The following IL1RAPL1 variants were observed in gnomAD, a reference collection of about 807,000 sequenced individuals.
The protein encoded by IL1RAPL1 is interleukin 1 receptor accessory protein like 1, also known as interleukin-1 receptor accessory protein-like 1.
IL1RAPL1 carries 3 observed loss-of-function variants against 48.4 expected under a neutral mutation model. The observed-to-expected ratio is 0.06, with a 90% CI of 0.03 to 0.16. The LOEUF (loss-of-function observed/expected upper bound fraction) is 0.16, where lower values mean the gene tolerates loss of function less well. Among genes scored for constraint, IL1RAPL1 ranks in the 10% least tolerant of loss-of-function variants. The pLI is 1.00. For missense variants in IL1RAPL1, 349 were observed against 530.6 expected (o/e 0.66, Z 3.36); for synonymous variants, 185 against 187.7 (o/e 0.99, Z 0.12).
At chrX:29,817,153 G>A (rs1930515391) in intron 6 of IL1RAPL1, among the ~76,000 whole-genome samples, 1 of 111,239 alleles carries the variant, frequency 9.0e-6, no homozygotes, top group Non-Finnish European at 1.9e-5. Context: ...GCATAATAAC[G>A]CATTGTCTAT....
intron 5 of IL1RAPL1, among the ~76,000 whole-genome samples, chrX:29,492,467 G>T (rs1935169007): frequency 8.9e-6 from 1 of 111,747 alleles, no homozygotes; most frequent in African/African-American, 3.3e-5. Context: ...CTCTAGGAAA[G>T]AATCTATTTC....
intron 3 of IL1RAPL1, among the ~76,000 whole-genome samples, chrX:29,327,587 T>C (rs1932851245): frequency 9.8e-6 from 1 of 101,841 alleles, no homozygotes; most frequent in Admixed American, 1.2e-4. Flanking sequence ...CCATACTAGA[T>C]ACTTAATATG....
chrX:29,221,608 TATACACACAC>T (rs754025361), intron 2 of IL1RAPL1, among the ~76,000 whole-genome samples: 1,832 of 80,370 alleles, frequency 0.023, 20 homozygotes, highest in Non-Finnish European at 0.033. Flanking sequence ...AGGAGCAATG[TATACACACAC>T]ATACACACAC....
chrX:29,136,595 C>G (rs1360795546), intron 2 of IL1RAPL1, among the ~76,000 whole-genome samples: 2 of 111,383 alleles, frequency 1.8e-5, no homozygotes, highest in Non-Finnish European at 3.8e-5. Context: ...CTCCTGGCCT[C>G]AAGCGATCCT....
chrX:28,600,611 C>T (rs1451558928), intron 1 of IL1RAPL1, among the ~76,000 whole-genome samples: 1 of 110,322 alleles, frequency 9.1e-6, no homozygotes, highest in Non-Finnish European at 1.9e-5. Flanking sequence ...CAGGACCAGG[C>T]TACAGAGGAA....
chrX:28,676,625 C>T (rs748566435), intron 1 of IL1RAPL1, among the ~76,000 whole-genome samples: 5 of 108,917 alleles, frequency 4.6e-5, no homozygotes, highest in East Asian at 2.9e-4. Flanking sequence ...CTCAGCTACT[C>T]GGGAGGCTGA....
intron 2 of IL1RAPL1, among the ~76,000 whole-genome samples, chrX:29,096,711 A>G (rs894075680): frequency 9.0e-6 from 1 of 110,746 alleles, no homozygotes; most frequent in African/African-American, 3.3e-5. Context: ...AATTAAATAT[A>G]TATTTATTTT....
intron 2 of IL1RAPL1, among the ~76,000 whole-genome samples, chrX:28,978,041 C>G (rs1925247497): frequency 8.9e-6 from 1 of 112,213 alleles, no homozygotes; most frequent in African/African-American, 3.2e-5. Flanking sequence ...AGAAATGGAG[C>G]TGAAACTGTA....
chrX:28,656,472 C>T (rs1054152415), intron 1 of IL1RAPL1, among the ~76,000 whole-genome samples: 1 of 111,169 alleles, frequency 9.0e-6, no homozygotes, highest in African/African-American at 3.3e-5. Flanking sequence ...CTGTCTTGCC[C>T]TTCTCTGAAT....
At chrX:28,807,911 C>G (rs1048298950) in intron 2 of IL1RAPL1, among the ~76,000 whole-genome samples, 11 of 110,389 alleles carry the variant, frequency 1.0e-4, no homozygotes, top group African/African-American at 3.6e-4. Flanking sequence ...GAAGAAAACT[C>G]CATCAAATGG....
At chrX:29,400,719 G>A (rs1439250069) in intron 5 of IL1RAPL1, among the ~76,000 whole-genome samples, 1 of 111,491 alleles carries the variant, frequency 9.0e-6, no homozygotes, top group South Asian at 3.7e-4. Context: ...TTTCTTTTAA[G>A]GTATCTGGCT....
intron 6 of IL1RAPL1, among the ~76,000 whole-genome samples, chrX:29,856,563 A>G (rs1931481126): frequency 1.8e-5 from 2 of 111,950 alleles, no homozygotes; most frequent in South Asian, 3.7e-4. Context: ...TTTGCTACCA[A>G]ATGAGTAACA....
chrX:29,402,086 G>T (rs1934001314), intron 5 of IL1RAPL1, among the ~76,000 whole-genome samples: 1 of 110,637 alleles, frequency 9.0e-6, no homozygotes. Context: ...TAGAGACCGG[G>T]TTTAACCATG....
chrX:29,755,002 G>T (rs1194002330), intron 6 of IL1RAPL1, among the ~76,000 whole-genome samples: 1 of 112,218 alleles, frequency 8.9e-6, no homozygotes, highest in Admixed American at 9.5e-5. Flanking sequence ...GGAAGGATCT[G>T]CTTCTATATT....
chrX:28,657,954 G>C (rs757861808), intron 1 of IL1RAPL1, among the ~76,000 whole-genome samples: 1 of 112,183 alleles, frequency 8.9e-6, no homozygotes, highest in African/African-American at 3.2e-5. Context: ...GAAGTAAAAT[G>C]TATCTACTCC....
At chrX:29,233,256 G>A (rs1449671215) in intron 2 of IL1RAPL1, among the ~76,000 whole-genome samples, 2 of 110,818 alleles carry the variant, frequency 1.8e-5, no homozygotes, top group African/African-American at 3.3e-5. Flanking sequence ...GTAACTTCCA[G>A]GTTTTCTTCC....
At chrX:29,267,289 A>G (rs777836273) in intron 2 of IL1RAPL1, among the ~76,000 whole-genome samples, 3 of 112,310 alleles carry the variant, frequency 2.7e-5, no homozygotes, top group Non-Finnish European at 5.6e-5. Context: ...TGCTTTGTTT[A>G]TGATTGAATA....
At chrX:29,805,633 C>T (rs1393940858) in intron 6 of IL1RAPL1, among the ~76,000 whole-genome samples, 5 of 111,427 alleles carry the variant, frequency 4.5e-5, no homozygotes, top group Non-Finnish European at 9.4e-5. Flanking sequence ...TTCAGAGTAG[C>T]AACATATTCC....
chrX:29,255,917 A>G (rs1931750164), intron 2 of IL1RAPL1, among the ~76,000 whole-genome samples: 1 of 111,717 alleles, frequency 9.0e-6, no homozygotes, highest in Non-Finnish European at 1.9e-5. Context: ...TGCAATAAAC[A>G]TATGAGTGCA....
Sources: allele counts gnomAD v4.1 joint callset (sites outside exome capture counted in the v4.1 genomes callset), GRCh38; gene constraint gnomAD v4.1.1; transcripts MANE v1.5; gene names NCBI Gene and HGNC (gene_info 2026-07-23, HGNC 2026-07-21).